The following CDK19 variants were observed in gnomAD, a reference collection of about 807,000 sequenced individuals.
The protein encoded by CDK19 is cyclin dependent kinase 19, also known as cyclin-dependent kinase 19.
A neutral mutation model predicts 68.3 loss-of-function variants in CDK19; 20 were observed. That is an observed-to-expected ratio of 0.29 (90% CI 0.21 to 0.43). CDK19 has a LOEUF of 0.43. CDK19 is among the 20% of genes least tolerant of loss of function. CDK19 has a pLI of 1.00. For missense variants in CDK19, 339 were observed against 623.5 expected (o/e 0.54, Z 4.86); for synonymous variants, 221 against 222.8 (o/e 0.99, Z 0.07).
At chr6:110,648,840 C>T (rs192166222) in intron 4 of CDK19, among the ~76,000 whole-genome samples, 1 of 152,226 alleles carries the variant, frequency 6.6e-6, no homozygotes, top group East Asian at 1.9e-4. Context: ...GCTTCAGCCT[C>T]CCAAGTAGCT....
intron 4 of CDK19, among the ~76,000 whole-genome samples, chr6:110,641,684 AGGAG>A (rs1322501242): frequency 1.3e-5 from 2 of 150,892 alleles, no homozygotes; most frequent in East Asian, 1.9e-4. Flanking sequence ...GAAGGAAGGA[AGGAG>A]GGACAAGGCA....
intron 1 of CDK19, among the ~76,000 whole-genome samples, chr6:110,776,425 G>C (rs1020694874): frequency 7.1e-6 from 1 of 140,386 alleles, no homozygotes; most frequent in African/African-American, 2.7e-5. Flanking sequence ...CTGAAACTCT[G>C]TCTCAAAAAA....
chr6:110,740,568 T>C (rs773261955), intron 2 of CDK19, among the ~76,000 whole-genome samples: 5 of 152,228 alleles, frequency 3.3e-5, no homozygotes, highest in African/African-American at 4.8e-5. Flanking sequence ...TTCTGTAAAC[T>C]TGTACTTCTT....
chr6:110,702,750 A>C (rs1003384399), intron 2 of CDK19, among the ~76,000 whole-genome samples: 18 of 152,160 alleles, frequency 1.2e-4, no homozygotes, highest in Non-Finnish European at 2.2e-4. Flanking sequence ...AAGAATATAT[A>C]TATCTATCTC....
chr6:110,809,671 T>TTC lies in CDK19; in HGVS notation c.128+5337_128+5338insGA, dbSNP rs200704227. 7.9e-3 allele frequency among the ~76,000 whole-genome samples: 1,196 copies of TTC among 152,356 alleles called. 21 individuals are homozygous for TTC. The highest frequency in any genetic ancestry group is 0.028 in the African/African-American group (1,144 of 41,580). Reference sequence around the variant, plus strand: ...AAAGCAATTACTAAAAACTTCGTTTTTTAAGAAAAGTAAATAAACTTGCGT... The same window carrying TTC: ...AAAGCAATTACTAAAAACTTCGTTTTTCTTAAGAAAAGTAAATAAACTTGCGT... On this transcript the variant is annotated intron_variant, in intron 1 of 12. Coordinates refer to ENST00000368911, the MANE Select transcript of CDK19 (RefSeq NM_015076.5).
chr6:110,768,832 T>C (rs896216675), intron 1 of CDK19, among the ~76,000 whole-genome samples: 19 of 152,034 alleles, frequency 1.2e-4, no homozygotes, highest in Middle Eastern at 6.3e-3. Flanking sequence ...TCAAAACCCA[T>C]AGAATATACC....
intron 1 of CDK19, among the ~76,000 whole-genome samples, chr6:110,788,148 GTTT>G (rs574478424): frequency 6.7e-6 from 1 of 150,154 alleles, no homozygotes; most frequent in Non-Finnish European, 1.5e-5. Context: ...CCTGTTTTTT[GTTT>G]TTTTGTTGTT....
intron 2 of CDK19, among the ~76,000 whole-genome samples, chr6:110,673,365 G>T (rs982841287): frequency 1.3e-5 from 2 of 152,008 alleles, no homozygotes; most frequent in African/African-American, 2.4e-5. Context: ...GACATTTAGG[G>T]TGTTCTACCT....
At chr6:110,724,322 T>C (rs897844526) in intron 2 of CDK19, among the ~76,000 whole-genome samples, 4 of 152,072 alleles carry the variant, frequency 2.6e-5, no homozygotes, top group African/African-American at 9.7e-5. Context: ...GCCATTGCAC[T>C]GCAGCCTAAG....
chr6:110,814,195 A>T (rs944257108), intron 1 of CDK19: 2 of 234,706 alleles, frequency 8.5e-6, no homozygotes, highest in Non-Finnish European at 1.7e-5. Flanking sequence ...GGTACTCCAT[A>T]AGCCCCAGCC....
intron 1 of CDK19, among the ~76,000 whole-genome samples, chr6:110,786,039 T>C (rs2115050822): frequency 6.6e-6 from 1 of 152,280 alleles, no homozygotes; most frequent in Non-Finnish European, 1.5e-5. Context: ...GCCTGACTTT[T>C]TTGCTTTTTC....
At chr6:110,804,286 TAAG>T (rs1264858716) in intron 1 of CDK19, among the ~76,000 whole-genome samples, 1 of 152,182 alleles carries the variant, frequency 6.6e-6, no homozygotes, top group Non-Finnish European at 1.5e-5. Flanking sequence ...AAAGCCTCTA[TAAG>T]AAGAGTGTAT....
chr6:110,630,893 T>C (rs1027432417), intron 6 of CDK19, among the ~76,000 whole-genome samples: 23 of 152,264 alleles, frequency 1.5e-4, no homozygotes, highest in Admixed American at 4.6e-4. Context: ...TGTGTTCTGG[T>C]GTCTGAGTTT....
chr6:110,648,526 C>T (rs377011221), intron 4 of CDK19, among the ~76,000 whole-genome samples: 4 of 143,848 alleles, frequency 2.8e-5, no homozygotes, highest in African/African-American at 1.0e-4. Flanking sequence ...ACCATGAAAT[C>T]TTTTTTCTTT....
intron 12 of CDK19, among the ~76,000 whole-genome samples, chr6:110,619,142 T>C (rs1164004663): frequency 1.3e-5 from 2 of 152,174 alleles, no homozygotes; most frequent in Non-Finnish European, 2.9e-5. Context: ...ATTTAATAGA[T>C]ATGTTGGAAG....
chr6:110,741,644 C>A (rs1777677840), intron 2 of CDK19, among the ~76,000 whole-genome samples: 1 of 151,312 alleles, frequency 6.6e-6, no homozygotes, highest in South Asian at 2.1e-4. Flanking sequence ...AAGACAGAAT[C>A]TTGAAATCAA....
intron 2 of CDK19, among the ~76,000 whole-genome samples, chr6:110,715,997 T>C (rs983970756): frequency 1.3e-5 from 2 of 152,186 alleles, no homozygotes; most frequent in Non-Finnish European, 2.9e-5. Context: ...AAGCACGCAT[T>C]TTCTGTCTGG....
intron 1 of CDK19, among the ~76,000 whole-genome samples, chr6:110,812,959 G>A (rs1237585766): frequency 1.3e-5 from 2 of 151,218 alleles, no homozygotes; most frequent in Non-Finnish European, 2.9e-5. Flanking sequence ...ATCTCAACCA[G>A]ATCTTTCATC....
At chr6:110,685,069 C>G (rs762155593) in intron 2 of CDK19, among the ~76,000 whole-genome samples, 21 of 152,082 alleles carry the variant, frequency 1.4e-4, no homozygotes, top group Non-Finnish European at 2.9e-4. Context: ...ACCTAGGAGG[C>G]AGAGGTTGCA....
Sources: allele counts gnomAD v4.1 joint callset (sites outside exome capture counted in the v4.1 genomes callset), GRCh38; gene constraint gnomAD v4.1.1; transcripts MANE v1.5; gene names NCBI Gene and HGNC (gene_info 2026-07-23, HGNC 2026-07-21).